The following PI4KA variants were observed in gnomAD, a reference collection of about 807,000 sequenced individuals.
PI4KA encodes phosphatidylinositol 4-kinase alpha, also known as PI4-kinase alpha.
PI4KA carries 122 observed loss-of-function variants against 271.4 expected under a neutral mutation model. The ratio of observed to expected loss-of-function variants is 0.45; its 90% CI spans 0.39 to 0.52. The LOEUF is 0.52. Ranked by LOEUF, PI4KA falls within the 20% of genes least tolerant of loss-of-function variation. The pLI is 0.00. For synonymous variants in PI4KA, 1,041 were observed against 1,078.8 expected (o/e 0.96, Z 0.69); for missense variants, 1,969 against 2,769.1 (o/e 0.71, Z 6.48).
chr22:20,825,261 C>T (rs189091764), intron 3 of PI4KA, among the ~76,000 whole-genome samples: 201 of 152,108 alleles, frequency 1.3e-3, no homozygotes, highest in Non-Finnish European at 2.6e-3. Flanking sequence ...TAAAATTTGA[C>T]CTTTTAGTAA....
intron 19 of PI4KA, among the ~76,000 whole-genome samples, chr22:20,776,343 G>A (rs1004617302): frequency 6.6e-6 from 1 of 152,056 alleles, no homozygotes; most frequent in African/African-American, 2.4e-5. Flanking sequence ...AAAATAAAAA[G>A]AAATCGTTTC....
intron 1 of PI4KA, among the ~76,000 whole-genome samples, chr22:20,856,921 A>G (rs1441201270): frequency 1.3e-5 from 2 of 152,200 alleles, no homozygotes; most frequent in Non-Finnish European, 2.9e-5. Context: ...CTTAAAGATC[A>G]TCCAATTCAC....
At chr22:20,775,187 T>C (rs981962319) in intron 19 of PI4KA, among the ~76,000 whole-genome samples, 14 of 151,848 alleles carry the variant, frequency 9.2e-5, no homozygotes, top group Non-Finnish European at 1.8e-4. Flanking sequence ...CAATATGAAG[T>C]TCCCAGGAAA....
At chr22:20,827,630 T>C (rs543275097) in intron 3 of PI4KA, among the ~76,000 whole-genome samples, 1 of 152,170 alleles carries the variant, frequency 6.6e-6, no homozygotes, top group Non-Finnish European at 1.5e-5. Context: ...AATCCATAAA[T>C]TGCTCTGGGT....
chr22:20,725,844 TG>T (rs1418422439), intron 42 of PI4KA: 3 of 237,234 alleles, frequency 1.3e-5, no homozygotes, highest in African/African-American at 6.8e-5. Flanking sequence ...CCCGAGAGGT[TG>T]AGGCTGCAGT....
At chr22:20,712,006 G>A (rs1230329271) in intron 50 of PI4KA, among the ~76,000 whole-genome samples, 2 of 151,142 alleles carry the variant, frequency 1.3e-5, no homozygotes, top group African/African-American at 2.4e-5. Context: ...GCCTCCCAAA[G>A]TGCTGGCATT....
intron 10 of PI4KA, 26 bp downstream of exon 10, chr22:20,807,336 C>T: frequency 6.8e-7 from 1 of 1,469,238 alleles, no homozygotes; most frequent in Non-Finnish European, 9.5e-7. Flanking sequence ...GCTGTACTCA[C>T]AAACACATGG....
At chr22:20,794,266 C>G (rs1198629581) in intron 18 of PI4KA, among the ~76,000 whole-genome samples, 2 of 152,182 alleles carry the variant, frequency 1.3e-5, no homozygotes, top group African/African-American at 4.8e-5. Flanking sequence ...AGCTCCTTGT[C>G]CTCCACAAGG....
intron 17 of PI4KA, among the ~76,000 whole-genome samples, chr22:20,797,998 G>A (rs1935084279): frequency 1.3e-5 from 2 of 152,120 alleles, no homozygotes; most frequent in African/African-American, 4.8e-5. Context: ...TAGCCAAGAA[G>A]CATCTCTCAA....
At chr22:20,777,225 T>C (rs993327160) in intron 19 of PI4KA, among the ~76,000 whole-genome samples, 10 of 151,670 alleles carry the variant, frequency 6.6e-5, no homozygotes, top group African/African-American at 2.4e-4. Context: ...TTTTCTTTTT[T>C]TTTTTTTTGA....
At chr22:20,748,959 G>A (rs893686624) in intron 28 of PI4KA, among the ~76,000 whole-genome samples, 6 of 152,156 alleles carry the variant, frequency 3.9e-5, no homozygotes, top group Non-Finnish European at 8.8e-5. Flanking sequence ...AATCAAGACC[G>A]CTTCAAGCCT....
intron 22 of PI4KA, chr22:20,764,498 C>G: frequency 4.1e-6 from 1 of 243,874 alleles, no homozygotes; most frequent in East Asian, 1.0e-4. Flanking sequence ...ACGCACTCAG[C>G]GAGGCTGGGT....
intron 50 of PI4KA, among the ~76,000 whole-genome samples, chr22:20,711,840 G>T (rs1412092532): frequency 6.6e-6 from 1 of 151,816 alleles, no homozygotes; most frequent in African/African-American, 2.4e-5. Context: ...TGCCTCCTGG[G>T]TTCAAGAGAT....
intron 1 of PI4KA, among the ~76,000 whole-genome samples, chr22:20,843,318 T>C (rs1457965543): frequency 6.6e-6 from 1 of 152,050 alleles, no homozygotes; most frequent in Non-Finnish European, 1.5e-5. Context: ...GGCAAGACCC[T>C]GTCTCTACAA....
chr22:20,731,535 C>T (rs1267337967), intron 36 of PI4KA, among the ~76,000 whole-genome samples: 1 of 151,494 alleles, frequency 6.6e-6, no homozygotes, highest in East Asian at 1.9e-4. Context: ...GTGGCCCACA[C>T]CTGTAATCCC....
intron 23 of PI4KA, among the ~76,000 whole-genome samples, chr22:20,758,752 G>C (rs368874439): frequency 2.6e-5 from 4 of 151,886 alleles, no homozygotes; most frequent in African/African-American, 7.3e-5. Flanking sequence ...CCCCCACCCC[G>C]CCCTGTGTCT....
Position 20,805,183 on chromosome 22 carries a change from G to A in PI4KA, c.1169-18C>T. The A allele has an allele frequency of 6.3e-7, 1 of 1,591,236 alleles. No homozygotes were observed. Among genetic ancestry groups the A allele is most frequent in the Non-Finnish European group, 8.6e-7 (1 of 1,161,532 alleles). On this transcript the variant is annotated intron_variant, in intron 10 of 54. Transcript: ENST00000255882. ...CGGGAGGTCTGTAGGAAAGAGTGTGGCATCACAGCTGGGAACAAAACTACA... is the reference window on the plus strand; with the variant it reads ...CGGGAGGTCTGTAGGAAAGAGTGTGACATCACAGCTGGGAACAAAACTACA...
chr22:20,804,092 C>G lies in PI4KA; in HGVS notation c.1461+208G>C, dbSNP rs147034900. 5.3e-5 allele frequency among the ~76,000 whole-genome samples: 8 copies of G among 152,346 alleles called. No individual in the cohort carries two copies. In the East Asian group the frequency reaches 1.5e-3, roughly 29 times the overall value. On this transcript the variant is annotated intron_variant, in intron 12 of 54. Coordinates refer to ENST00000255882, the MANE Select transcript of PI4KA (RefSeq NM_058004.4). Reference sequence around the variant, plus strand: ...AACTGAAGCCAGCTGCACCCATATGCCACTGACAGAAAGCCCTGGCATCCT... The same window carrying G: ...AACTGAAGCCAGCTGCACCCATATGGCACTGACAGAAAGCCCTGGCATCCT...
intron 39 of PI4KA, among the ~76,000 whole-genome samples, chr22:20,728,241 T>A (rs964948520): frequency 6.6e-6 from 1 of 151,960 alleles, no homozygotes; most frequent in Middle Eastern, 3.2e-3. Context: ...CTACTACATA[T>A]GCACAGAAAT....
Sources: gnomAD v4.1 joint callset for allele counts (sites outside exome capture counted in the v4.1 genomes callset) on GRCh38, gnomAD v4.1.1 for gene constraint, MANE v1.5 for transcripts, NCBI Gene and HGNC (gene_info 2026-07-23, HGNC 2026-07-21) for gene names.